Variants in NPAS3 observed in about 807,000 individuals in gnomAD.
The protein encoded by NPAS3 is neuronal PAS domain protein 3.
In NPAS3, 14 loss-of-function variants were observed where a neutral mutation model predicts 73.1. That is an observed-to-expected ratio of 0.19 (90% confidence interval 0.13 to 0.30). NPAS3 has a LOEUF of 0.30. NPAS3 is among the 10% of genes least tolerant of loss of function. The pLI is 1.00. For synonymous variants in NPAS3, 620 were observed against 541.5 expected, an observed-to-expected ratio of 1.14 and a Z score of -2.01; for missense variants, 1,096 against 1,250.0, an observed-to-expected ratio of 0.88 and a Z score of 1.86.
At chr14:33,449,110 C>T (rs1285603075) in intron 4 of NPAS3, among the ~76,000 whole-genome samples, 1 of 152,160 alleles carries the variant, frequency 6.6e-6, no homozygotes, top group African/African-American at 2.4e-5. Context: ...GTAGAGGTGA[C>T]ATTGTCTGCT....
rs549335766 is a variant in NPAS3, at chr14:33,141,160, A to G, written c.141-74022A>G. Reference sequence around the variant, plus strand: ...TATTTTGTCAAGAATTTGACATGCCAATGAATTGCGAGAGCAATGTATGCT... The same window carrying G: ...TATTTTGTCAAGAATTTGACATGCCGATGAATTGCGAGAGCAATGTATGCT... On this transcript the variant is annotated intron_variant, in intron 2 of 11. Transcript: ENST00000356141. Among the ~76,000 whole-genome samples the G allele has an allele frequency of 3.9e-5, 6 of 152,326 alleles. No individual in the cohort carries two copies. The East Asian group carries it at 1.2e-3, about 29-fold the overall frequency.
intron 5 of NPAS3, among the ~76,000 whole-genome samples, chr14:33,659,384 G>A (rs903326273): frequency 6.6e-6 from 1 of 152,292 alleles, no homozygotes; most frequent in Non-Finnish European, 1.5e-5. Flanking sequence ...TTAGGAACAT[G>A]TAAGAGCGTT....
At chr14:33,399,184 A>G (rs1372188142) in intron 4 of NPAS3, among the ~76,000 whole-genome samples, 1 of 152,128 alleles carries the variant, frequency 6.6e-6, no homozygotes, top group Non-Finnish European at 1.5e-5. Context: ...GCATTGCTGT[A>G]AAAGGTATCT....
chr14:33,638,653 G>A (rs759566105), intron 5 of NPAS3, among the ~76,000 whole-genome samples: 1 of 152,192 alleles, frequency 6.6e-6, no homozygotes, highest in Non-Finnish European at 1.5e-5. Flanking sequence ...GTTGGTAGGG[G>A]CAACATCATT....
At chr14:33,336,813 C>A (rs944819077) in intron 3 of NPAS3, among the ~76,000 whole-genome samples, 1 of 152,130 alleles carries the variant, frequency 6.6e-6, no homozygotes, top group Non-Finnish European at 1.5e-5. Flanking sequence ...TTCTGCCTAC[C>A]AAAATTTTGT....
intron 5 of NPAS3, among the ~76,000 whole-genome samples, chr14:33,564,305 G>A (rs1209411500): frequency 1.3e-5 from 2 of 152,138 alleles, no homozygotes; most frequent in Non-Finnish European, 2.9e-5. Flanking sequence ...TCTTAAGGAA[G>A]GCAAAGTTTT....
intron 2 of NPAS3, among the ~76,000 whole-genome samples, chr14:33,094,189 A>T (rs1228201335): frequency 6.6e-6 from 1 of 152,194 alleles, no homozygotes; most frequent in Admixed American, 6.5e-5. Flanking sequence ...GGGGAAAACC[A>T]TCTATTTATT....
chr14:33,113,721 A>G (rs897327273), intron 2 of NPAS3, among the ~76,000 whole-genome samples: 1 of 152,172 alleles, frequency 6.6e-6, no homozygotes, highest in African/African-American at 2.4e-5. Context: ...AGGAGTGGTG[A>G]GAGAGGGCAT....
intron 5 of NPAS3, among the ~76,000 whole-genome samples, chr14:33,573,158 A>G (rs1180421690): frequency 1.3e-5 from 2 of 152,184 alleles, no homozygotes; most frequent in African/African-American, 4.8e-5. Context: ...CCAACATTCA[A>G]TAGTAGGGCC....
At chr14:33,235,865 G>A (rs1368756244) in intron 3 of NPAS3, among the ~76,000 whole-genome samples, 3 of 117,368 alleles carry the variant, frequency 2.6e-5, no homozygotes, top group Non-Finnish European at 1.6e-5. Context: ...CATAGTTCAC[G>A]GCAACCTTGA....
chr14:33,672,868 T>C (rs899252702), intron 5 of NPAS3, among the ~76,000 whole-genome samples: 5 of 152,208 alleles, frequency 3.3e-5, no homozygotes, highest in Admixed American at 1.3e-4. Context: ...TCAGGAGGTA[T>C]TAATAGATGG....
chr14:32,973,357 T>C lies in NPAS3; in HGVS notation c.50+33991T>C, dbSNP rs970322493. On this transcript the variant is annotated intron_variant, in intron 1 of 11. Transcript: ENST00000356141. Reference sequence around the variant, plus strand: ...GAATACATGGTCCATTATTCTGCCATGTTAAGGTTAAACAGGCATCTGGGG... The same window carrying C: ...GAATACATGGTCCATTATTCTGCCACGTTAAGGTTAAACAGGCATCTGGGG... 2.0e-5 allele frequency among the ~76,000 whole-genome samples: 3 copies of C among 152,148 alleles called. No individual in the cohort carries two copies. In the East Asian group the frequency reaches 5.8e-4, roughly 29 times the overall value.
intron 10 of NPAS3, 38 bp from the exon 11 acceptor site, chr14:33,797,419 G>T (rs775574116): frequency 2.4e-5 from 38 of 1,606,678 alleles, no homozygotes; most frequent in Middle Eastern, 3.3e-4. Context: ...CATGCAGAAT[G>T]GGTGTCTGCA....
At chr14:33,249,304 T>G (rs981844776) in intron 3 of NPAS3, among the ~76,000 whole-genome samples, 1 of 151,788 alleles carries the variant, frequency 6.6e-6, no homozygotes, top group Admixed American at 6.6e-5. Context: ...TATTCTTCAG[T>G]TGGTGCTCAT....
At chr14:33,731,870 C>G (rs1288444234) in intron 6 of NPAS3, among the ~76,000 whole-genome samples, 2 of 152,050 alleles carry the variant, frequency 1.3e-5, no homozygotes, top group Non-Finnish European at 2.9e-5. Context: ...CTTTATTTAG[C>G]TTTTAGTTGT....
At chr14:33,650,386 C>A (rs867492522) in intron 5 of NPAS3, among the ~76,000 whole-genome samples, 1 of 152,080 alleles carries the variant, frequency 6.6e-6, no homozygotes, top group Non-Finnish European at 1.5e-5. Context: ...TGTAAATCAG[C>A]CTTTGCCCTT....
At chr14:33,598,492 T>A (rs535139128) in intron 5 of NPAS3, among the ~76,000 whole-genome samples, 3 of 152,342 alleles carry the variant, frequency 2.0e-5, no homozygotes, top group East Asian at 3.9e-4. Flanking sequence ...GAGTAAACTC[T>A]CTCAATCCGA....
intron 2 of NPAS3, among the ~76,000 whole-genome samples, chr14:33,200,221 C>A (rs1744064113): frequency 6.7e-6 from 1 of 149,794 alleles, no homozygotes; most frequent in African/African-American, 2.4e-5. Context: ...ATTGCAAAAA[C>A]CGCAGTTACT....
At chr14:33,662,869 CTTTTTTTTT>C (rs550747845) in intron 5 of NPAS3, among the ~76,000 whole-genome samples, 3 of 89,896 alleles carry the variant, frequency 3.3e-5, no homozygotes, top group African/African-American at 1.4e-4. Context: ...TGGGGTTTTC[CTTTTTTTTT>C]TTTTTTTTTT....
Sources: gnomAD v4.1 joint callset for allele counts (sites outside exome capture counted in the v4.1 genomes callset) on GRCh38, gnomAD v4.1.1 for gene constraint, MANE v1.5 for transcripts, NCBI Gene and HGNC (gene_info 2026-07-23, HGNC 2026-07-21) for gene names.